Variants in PRR5L observed in about 807,000 individuals in gnomAD.
The protein encoded by PRR5L is proline-rich protein 5-like.
A neutral mutation model predicts 36.4 loss-of-function variants in PRR5L; 21 were observed. That is an observed-to-expected ratio of 0.58 (90% CI 0.41 to 0.83). PRR5L has a LOEUF of 0.83. PRR5L is among the 40% of genes least tolerant of loss of function. The pLI is 0.00. For missense variants in PRR5L, 381 were observed against 473.3 expected, an observed-to-expected ratio of 0.80 and a Z score of 1.81; for synonymous variants, 188 against 197.0, an observed-to-expected ratio of 0.95 and a Z score of 0.38.
intron 1 of PRR5L, among the ~76,000 whole-genome samples, chr11:36,399,598 C>T (rs1218622651): frequency 6.6e-6 from 1 of 152,180 alleles, no homozygotes; most frequent in Non-Finnish European, 1.5e-5. Flanking sequence ...CTTTTTCTTG[C>T]ATCATTAGTT....
intron 8 of PRR5L, among the ~76,000 whole-genome samples, chr11:36,461,986 A>T (rs1425892947): frequency 6.6e-6 from 1 of 152,218 alleles, no homozygotes; most frequent in South Asian, 2.1e-4. Flanking sequence ...TGGAATGCTC[A>T]GGTCCTCAGA....
intron 3 of PRR5L, among the ~76,000 whole-genome samples, chr11:36,408,498 T>C (rs999219394): frequency 7.9e-5 from 12 of 152,196 alleles, no homozygotes; most frequent in South Asian, 2.1e-4. Context: ...TCCCCAGGCA[T>C]CCCAATCAAC....
intron 1 of PRR5L, among the ~76,000 whole-genome samples, chr11:36,325,502 C>G (rs567973670): frequency 6.6e-6 from 1 of 152,224 alleles, no homozygotes; most frequent in Non-Finnish European, 1.5e-5. Context: ...AGAGGGTAGC[C>G]GTTGCTGGCT....
At chr11:36,341,710 T>C (rs1383785312) in intron 1 of PRR5L, among the ~76,000 whole-genome samples, 1 of 152,168 alleles carries the variant, frequency 6.6e-6, no homozygotes, top group African/African-American at 2.4e-5. Context: ...TTATATCAGA[T>C]AATAATAGTG....
At chr11:36,390,800 T>C (rs1329496981) in intron 1 of PRR5L, among the ~76,000 whole-genome samples, 3 of 152,218 alleles carry the variant, frequency 2.0e-5, no homozygotes, top group African/African-American at 4.8e-5. Context: ...TTTAAAATGC[T>C]GAGATAATAC....
In PRR5L at chr11:36,447,480, C is replaced by T. The variant is rs139394214; in HGVS notation, c.585+1040C>T. The stretch of plus-strand genomic sequence containing the variant: ...ATGGGTGGGGGCACACAATTCTCGA[C>T]GAGTAGGGTTTTTGGCTAGGGACAC... On this transcript the variant is annotated intron_variant, in intron 7 of 8. Coordinates refer to ENST00000530639, the MANE Select transcript of PRR5L (RefSeq NM_001160167.2). 2.0e-4 allele frequency among the ~76,000 whole-genome samples: 30 copies of T among 152,322 alleles called. No homozygotes were observed. The East Asian group carries it at 3.9e-3, about 20-fold the overall frequency.
intron 4 of PRR5L, among the ~76,000 whole-genome samples, chr11:36,423,416 C>G (rs542765322): frequency 6.6e-6 from 1 of 152,284 alleles, no homozygotes; most frequent in Admixed American, 6.5e-5. Flanking sequence ...GAGTTTAAAT[C>G]AGGCCCAGAA....
At chr11:36,395,870 C>T (rs1469005275) in intron 1 of PRR5L, among the ~76,000 whole-genome samples, 1 of 152,078 alleles carries the variant, frequency 6.6e-6, no homozygotes, top group Non-Finnish European at 1.5e-5. Context: ...TATGGGCAAA[C>T]ACTACCATGC....
At chr11:36,374,907 G>A (rs889069099) in intron 1 of PRR5L, among the ~76,000 whole-genome samples, 4 of 152,078 alleles carry the variant, frequency 2.6e-5, no homozygotes, top group Admixed American at 2.6e-4. Context: ...TCCCTTAGAC[G>A]AGCCTCTTTT....
intron 7 of PRR5L, among the ~76,000 whole-genome samples, chr11:36,450,089 A>T (rs1858912883): frequency 6.6e-6 from 1 of 151,962 alleles, no homozygotes; most frequent in Admixed American, 6.6e-5. Context: ...CACCCATCTC[A>T]GTGTAATGGT....
chr11:36,361,286 A>C (rs1857085192), intron 1 of PRR5L, among the ~76,000 whole-genome samples: 1 of 152,196 alleles, frequency 6.6e-6, no homozygotes, highest in Admixed American at 6.5e-5. Flanking sequence ...CCAGATATTC[A>C]AGAGATTTGC....
intron 1 of PRR5L, among the ~76,000 whole-genome samples, chr11:36,343,895 G>A (rs1262766317): frequency 7.0e-6 from 1 of 143,330 alleles, no homozygotes; most frequent in Non-Finnish European, 1.5e-5. Flanking sequence ...GTAGAAATAA[G>A]TTTTATGTTG....
In PRR5L at chr11:36,361,599, G is replaced by A. The variant is rs140383892; in HGVS notation, c.-125-39398G>A. ...CTCTAGGTATTTACTGTTTCTACCA[G>A]AGGAAAGAAATCATTGTGGGAATGT... On this transcript the variant is annotated intron_variant, in intron 1 of 8. Coordinates refer to ENST00000530639, the MANE Select transcript of PRR5L (RefSeq NM_001160167.2). Among the ~76,000 whole-genome samples, 8 of 152,264 alleles carry A rather than the reference G, an allele frequency of 5.3e-5. No homozygotes were observed. In the East Asian group the frequency reaches 1.5e-3, roughly 29 times the overall value.
At chr11:36,415,590 A>G (rs979197488) in intron 3 of PRR5L, among the ~76,000 whole-genome samples, 1 of 152,198 alleles carries the variant, frequency 6.6e-6, no homozygotes, top group Non-Finnish European at 1.5e-5. Flanking sequence ...CCAAAAATAG[A>G]AAAATTAGCC....
rs140655383 is a variant in PRR5L, at chr11:36,448,848, G to C, written c.586-2361G>C. ...GAGATGGAGGTTCAGAGAAGGTGGC[G>C]ACTTTTCTCAAGGTCTTGTACTCAT... On this transcript the variant is annotated intron_variant, in intron 7 of 8. Coordinates refer to ENST00000530639, the MANE Select transcript of PRR5L (RefSeq NM_001160167.2). Among the ~76,000 whole-genome samples, 864 of 151,882 alleles carry C rather than the reference G, an allele frequency of 5.7e-3. 8 individuals carry two copies. The highest frequency in any genetic ancestry group is 0.019 in the African/African-American group (787 of 41,198).
At chr11:36,343,127 T>A (rs1444035323) in intron 1 of PRR5L, among the ~76,000 whole-genome samples, 1 of 152,198 alleles carries the variant, frequency 6.6e-6, no homozygotes, top group African/African-American at 2.4e-5. Flanking sequence ...CCAGAATGAT[T>A]CCTTCAGGAC....
intron 1 of PRR5L, among the ~76,000 whole-genome samples, chr11:36,352,636 G>C (rs768947962): frequency 1.7e-4 from 26 of 150,346 alleles, no homozygotes; most frequent in African/African-American, 2.7e-4. Flanking sequence ...TCCTCAGTAT[G>C]GATCCCCAAT....
intron 1 of PRR5L, among the ~76,000 whole-genome samples, chr11:36,301,416 G>A (rs1313057782): frequency 1.3e-5 from 2 of 152,190 alleles, no homozygotes; most frequent in East Asian, 3.9e-4. Context: ...CAGAACCGAA[G>A]CCCTGGCTGA....
chr11:36,353,630 A>G (rs1856997592), intron 1 of PRR5L, among the ~76,000 whole-genome samples: 1 of 152,166 alleles, frequency 6.6e-6, no homozygotes, highest in Admixed American at 6.5e-5. Flanking sequence ...TTGGGATGAA[A>G]CTGTTCCACC....
Sources: allele counts gnomAD v4.1 joint callset (sites outside exome capture counted in the v4.1 genomes callset), GRCh38; gene constraint gnomAD v4.1.1; transcripts MANE v1.5; gene names NCBI Gene and HGNC (gene_info 2026-07-23, HGNC 2026-07-21).